Variants in UHRF1 observed in about 807,000 individuals in gnomAD.
The protein encoded by UHRF1 is ubiquitin like with PHD and ring finger domains 1, also known as E3 ubiquitin-protein ligase UHRF1.
In UHRF1, 9 loss-of-function variants were observed where a neutral mutation model predicts 96.5. The observed-to-expected ratio is 0.09, with a 90% CI of 0.06 to 0.16. The LOEUF (loss-of-function observed/expected upper bound fraction) is 0.16. Among genes scored for constraint, UHRF1 ranks in the 10% least tolerant of loss-of-function variants. The probability of loss-of-function intolerance (pLI) is 1.00; values close to 1 mark genes in which losing one functional copy is unlikely to be tolerated. For missense variants in UHRF1, 626 were observed against 1,131.1 expected (o/e 0.55, Z 6.40); for synonymous variants, 455 against 469.9 (o/e 0.97, Z 0.41).
At chr19:4,952,685 A>ATT (rs797011376) in intron 13 of UHRF1, among the ~76,000 whole-genome samples, 11 of 143,840 alleles carry the variant, frequency 7.6e-5, no homozygotes, top group African/African-American at 2.8e-4. Context: ...CCTGGCCAGG[A>ATT]TTTTTTTTTT....
At chr19:4,956,957 T>G in intron 16 of UHRF1, 144 bp downstream of exon 16, 1 of 670,772 alleles carries the variant, frequency 1.5e-6, no homozygotes, top group Non-Finnish European at 2.7e-6. Context: ...CCCTGTTGAC[T>G]GCTTTCTGGG....
chr19:4,933,463 C>T (rs891697500), intron 5 of UHRF1, among the ~76,000 whole-genome samples: 5 of 152,142 alleles, frequency 3.3e-5, no homozygotes, highest in Non-Finnish European at 7.3e-5. Flanking sequence ...ATCTGCCTGC[C>T]TCGGCCTCCC....
chr19:4,925,695 T>C (rs2045301164), intron 2 of UHRF1, among the ~76,000 whole-genome samples: 1 of 151,850 alleles, frequency 6.6e-6, no homozygotes, highest in African/African-American at 2.4e-5. Context: ...TTAAGTTTTG[T>C]ATCTTTAGTA....
chr19:4,919,824 T>G (rs757901445), intron 2 of UHRF1, among the ~76,000 whole-genome samples: 2 of 121,874 alleles, frequency 1.6e-5, no homozygotes, highest in Non-Finnish European at 1.7e-5. Context: ...ATTGTTAATA[T>G]TTTTTTTTTT....
upstream of UHRF1, among the ~76,000 whole-genome samples, chr19:4,907,058 G>A (rs1165117498): frequency 1.3e-5 from 2 of 152,184 alleles, no homozygotes; most frequent in African/African-American, 4.8e-5. Context: ...TAGAATGCAG[G>A]AGCTTCCCAA....
chr19:4,907,247 T>G (rs1262746121), upstream of UHRF1, among the ~76,000 whole-genome samples: 1 of 152,118 alleles, frequency 6.6e-6, no homozygotes, highest in Non-Finnish European at 1.5e-5. Flanking sequence ...GTAGCTGGGA[T>G]TATAGGCACA....
intron 16 of UHRF1, among the ~76,000 whole-genome samples, chr19:4,957,665 C>T (rs1457765336): frequency 1.3e-5 from 2 of 152,152 alleles, no homozygotes; most frequent in Non-Finnish European, 2.9e-5. Context: ...CTCTTCCCCC[C>T]TGTGCTGTGG....
chr19:4,943,205 A>C (rs1266309264), intron 7 of UHRF1, among the ~76,000 whole-genome samples: 3 of 152,076 alleles, frequency 2.0e-5, no homozygotes. Context: ...GCGCCACTGC[A>C]CTCAAGCCTG....
chr19:4,953,456 A>G (rs562605769), intron 13 of UHRF1, among the ~76,000 whole-genome samples: 3 of 152,142 alleles, frequency 2.0e-5, no homozygotes, highest in African/African-American at 7.2e-5. Flanking sequence ...CTACTCTTGC[A>G]CTTTGGGGCC....
upstream of UHRF1, chr19:4,909,486 C>G: frequency 3.1e-6 from 2 of 653,018 alleles, no homozygotes; most frequent in Non-Finnish European, 5.5e-6. Context: ...GCCGAGTTTT[C>G]GCGGGAAAAA....
intron 11 of UHRF1, among the ~76,000 whole-genome samples, chr19:4,950,401 G>T (rs151090027): frequency 1.1e-4 from 17 of 151,606 alleles, no homozygotes; most frequent in African/African-American, 4.1e-4. Flanking sequence ...GCGCCACCAC[G>T]CCCGGCTAAC....
intron 2 of UHRF1, among the ~76,000 whole-genome samples, chr19:4,922,166 C>T (rs1023442035): frequency 1.3e-5 from 2 of 152,122 alleles, no homozygotes; most frequent in East Asian, 1.9e-4. Flanking sequence ...AGGCTGGTCT[C>T]GAACTCCTGA....
In UHRF1 at chr19:4,903,120, G is replaced by A. The variant is rs553103045; in HGVS notation, c.-536G>A. 1.1e-5 allele frequency: 4 copies of A among 370,796 alleles called. No homozygotes were observed. The Admixed American group carries it at 1.2e-4, about 11-fold the overall frequency. The allele number at this position is 370,796 out of a possible 1,614,324, so 23.0% of individuals were successfully genotyped here. ...TGGCTCACTGCAACCTCCGCCTCAT[G>A]GGTTCAAGCAATTCTCCTGCCTCAG... On this transcript the variant is annotated 5_prime_UTR_variant, in exon 1 of 17. Coordinates refer to the UHRF1 transcript ENST00000612630.
chr19:4,960,733 C>A lies in UHRF1; in HGVS notation c.2312C>A (p.Ala771Asp), dbSNP rs776060791. 1 of 1,569,484 alleles carries A rather than the reference C, an allele frequency of 6.4e-7. No individual in the cohort carries two copies. Among genetic ancestry groups the A allele is most frequent in the Non-Finnish European group, 8.6e-7 (1 of 1,157,758 alleles). ...ACRYDLGRSY[A>D]MQVNQPLQTV... is the part of the protein sequence containing the mutation. Reference sequence around the variant, plus strand: ...CGCTACGACCTGGGCCGCAGCTATGCCATGCAGGTGAACCAGCCTCTGCAG... The same window carrying A: ...CGCTACGACCTGGGCCGCAGCTATGACATGCAGGTGAACCAGCCTCTGCAG... The change falls in exon 17 of 17, where the codon GCC becomes GAC. Residue 771 changes from alanine to aspartate, a missense_variant. Transcript: ENST00000650932.
intron 2 of UHRF1, among the ~76,000 whole-genome samples, chr19:4,925,436 C>T (rs2032838194): frequency 6.6e-6 from 1 of 152,170 alleles, no homozygotes; most frequent in Non-Finnish European, 1.5e-5. Context: ...AGTGTGATGT[C>T]CTCAAGGTGC....
rs772038257 is a variant in UHRF1, at chr19:4,954,726, C to G, written c.2034C>G (p.Ala678=). Residue 678 remains alanine (A), a synonymous_variant, in exon 15 of 17, where the codon GCC becomes GCG. Coordinates refer to ENST00000650932, the MANE Select transcript of UHRF1 (RefSeq NM_001048201.3). The surrounding 1 kb of genome is among the most constrained non-coding windows in gnomAD (Gnocchi z 5.9). The stretch of plus-strand genomic sequence containing the variant: ...AGGTGGAGCCCTACAGTCTCACGGC[C>G]CAGCAGAGCAGCCTCATCAGAGAGG... The part of the protein sequence containing the change: ...KTKVEPYSLT[A]QQSSLIREDK... The G allele has an allele frequency of 1.9e-6, 3 of 1,613,774 alleles. No homozygotes were observed. The South Asian group carries it at 3.3e-5, about 18-fold the overall frequency.
upstream of UHRF1, chr19:4,909,382 C>A: frequency 6.4e-6 from 4 of 628,000 alleles, no homozygotes; most frequent in Non-Finnish European, 8.5e-6. Flanking sequence ...GGGCGCCCCC[C>A]ACCCTCTTTC....
At chr19:4,947,252 T>G (rs2033591758) in intron 11 of UHRF1, 41 bp downstream of exon 11, 2 of 1,565,636 alleles carry the variant, frequency 1.3e-6, no homozygotes, top group Non-Finnish European at 1.8e-6. Context: ...CTGATGCATA[T>G]CTGCCGAGTC....
At chr19:4,938,704 T>A (rs2033288054) in intron 5 of UHRF1, among the ~76,000 whole-genome samples, 1 of 142,962 alleles carries the variant, frequency 7.0e-6, no homozygotes. Context: ...CCACTGCACC[T>A]GGCATAAGAG....
Sources: allele counts gnomAD v4.1 joint callset (sites outside exome capture counted in the v4.1 genomes callset), GRCh38; gene constraint gnomAD v4.1.1; non-coding constraint Gnocchi (gnomAD v3.1); transcripts MANE v1.5; gene names NCBI Gene and HGNC (gene_info 2026-07-23, HGNC 2026-07-21).